PLLP: variants seen among roughly 807,000 people sequenced by gnomAD.
PLLP encodes plasma membrane proteolipid (plasmolipin).
Under a neutral mutation model 19.7 loss-of-function variants are expected in PLLP, and 15 were observed. The ratio of observed to expected loss-of-function variants is 0.76; its 90% CI spans 0.51 to 1.17. The LOEUF is 1.17. Ranked by LOEUF, PLLP falls within the 50% of genes most tolerant of loss-of-function variation. The pLI is 0.00. For synonymous variants in PLLP, 111 were observed against 116.3 expected, an observed-to-expected ratio of 0.95 and a Z score of 0.29; for missense variants, 255 against 258.3, an observed-to-expected ratio of 0.99 and a Z score of 0.09.
intron 1 of PLLP, among the ~76,000 whole-genome samples, chr16:57,271,505 C>T (rs1597963174): frequency 2.0e-5 from 3 of 151,924 alleles, no homozygotes; most frequent in South Asian, 4.2e-4. Context: ...GTTAGCTGGG[C>T]GTGGTGGTGG....
intron 1 of PLLP, among the ~76,000 whole-genome samples, chr16:57,281,668 G>A (rs1372956862): frequency 6.6e-6 from 1 of 151,864 alleles, no homozygotes; most frequent in Non-Finnish European, 1.5e-5. Flanking sequence ...CCACCACCAT[G>A]CCAGGCTAAT....
intron 1 of PLLP, among the ~76,000 whole-genome samples, chr16:57,277,646 G>A (rs1901169715): frequency 6.6e-6 from 1 of 152,120 alleles, no homozygotes; most frequent in Non-Finnish European, 1.5e-5. Flanking sequence ...GTATGAAAAA[G>A]ATGGACACAG....
chr16:57,270,862 A>G (rs139175999), intron 1 of PLLP, among the ~76,000 whole-genome samples: 205 of 152,292 alleles, frequency 1.3e-3, no homozygotes, highest in African/African-American at 4.7e-3. Context: ...AATAGCCCTA[A>G]GCTCTCTTTT....
At chr16:57,274,029 C>G (rs1901117349) in intron 1 of PLLP, among the ~76,000 whole-genome samples, 1 of 152,146 alleles carries the variant, frequency 6.6e-6, no homozygotes, top group Non-Finnish European at 1.5e-5. Flanking sequence ...ACTCTGTTGC[C>G]CAGGCTGGAC....
At chr16:57,272,591 C>T (rs943437470) in intron 1 of PLLP, among the ~76,000 whole-genome samples, 3 of 152,196 alleles carry the variant, frequency 2.0e-5, no homozygotes, top group Admixed American at 6.5e-5. Flanking sequence ...AACACTGGTT[C>T]TACACCCAAT....
At chr16:57,282,736 C>A (rs1220204630) in intron 1 of PLLP, among the ~76,000 whole-genome samples, 1 of 152,184 alleles carries the variant, frequency 6.6e-6, no homozygotes. Flanking sequence ...CTACTCCCTG[C>A]AAATTAATTC....
At chr16:57,272,428 GC>G in intron 1 of PLLP, among the ~76,000 whole-genome samples, 1 of 152,278 alleles carries the variant, frequency 6.6e-6, no homozygotes. Flanking sequence ...GCACCCCAAG[GC>G]CACCTCATCC....
intron 1 of PLLP, among the ~76,000 whole-genome samples, chr16:57,280,713 A>C (rs1901209135): frequency 6.6e-6 from 1 of 152,142 alleles, no homozygotes; most frequent in Non-Finnish European, 1.5e-5. Flanking sequence ...TCTCCCCTCC[A>C]CACCACCAGC....
In PLLP at chr16:57,278,591, C is replaced by G. The variant is rs189623767; in HGVS notation, c.135+5815G>C. ...ATTCCCAAACACTCAATACTCCCCC[C>G]CTTGCAGTAAGTGGGGAGTGTGGGG... On this transcript the variant is annotated intron_variant, in intron 1 of 3. Transcript: ENST00000219207. Among the ~76,000 whole-genome samples the G allele has an allele frequency of 9.4e-4, 143 of 152,250 alleles. 1 individual carries two copies. Among genetic ancestry groups the G allele is most frequent in the Middle Eastern group, 3.4e-3 (1 of 294 alleles).
chr16:57,256,990 C>A lies in PLLP; in HGVS notation c.472G>T (p.Ala158Ser). 1 of 1,613,976 alleles carries A rather than the reference C, an allele frequency of 6.2e-7. No individual in the cohort carries two copies. The highest frequency in any genetic ancestry group is 1.1e-5 in the South Asian group (1 of 91,080). ...CLVMIAYGVSAFFSYQAWRGV... is the reference protein window; with the variant it reads ...CLVMIAYGVSSFFSYQAWRGV... ...CGCCAGGCCTGGTAGCTGAAGAAGG[C>A]ACTCACTCCATAGGCGATCATCACC... The change falls in exon 4 of 4, where the codon GCC becomes TCC. Residue 158 changes from alanine to serine, a missense_variant. Coordinates refer to ENST00000219207, the MANE Select transcript of PLLP (RefSeq NM_015993.3).
At chr16:57,267,945 A>AG (rs1475298227) in intron 1 of PLLP, among the ~76,000 whole-genome samples, 2 of 152,048 alleles carry the variant, frequency 1.3e-5, no homozygotes, top group East Asian at 1.9e-4. Context: ...GCTCGAGTTA[A>AG]GGGGGGTTAT....
At chr16:57,277,426 C>T (rs2146449995) in intron 1 of PLLP, among the ~76,000 whole-genome samples, 1 of 152,074 alleles carries the variant, frequency 6.6e-6, no homozygotes, top group South Asian at 2.1e-4. Flanking sequence ...CCTGTCTCCA[C>T]TAAAAATACA....
chr16:57,271,371 C>T (rs1035993201), intron 1 of PLLP, among the ~76,000 whole-genome samples: 30 of 152,030 alleles, frequency 2.0e-4, no homozygotes, highest in African/African-American at 6.8e-4. Context: ...CACCCGGGCA[C>T]GATGGCTCAC....
intron 1 of PLLP, among the ~76,000 whole-genome samples, chr16:57,275,640 G>GAA (rs1351681637): frequency 1.6e-3 from 15 of 9,452 alleles, no homozygotes; most frequent in South Asian, 2.8e-3. Context: ...ATTTTGCAAG[G>GAA]CAAAAAAAAA....
At chr16:57,266,675 A>T (rs74764632) in intron 1 of PLLP, among the ~76,000 whole-genome samples, 5,585 of 152,128 alleles carry the variant, frequency 0.037, 118 homozygotes, top group Non-Finnish European at 0.044. Context: ...TCTCTTGCTT[A>T]CATGTTCGTC....
At chr16:57,271,002 C>T (rs2075473213) in intron 1 of PLLP, among the ~76,000 whole-genome samples, 1 of 152,156 alleles carries the variant, frequency 6.6e-6, no homozygotes, top group Non-Finnish European at 1.5e-5. Flanking sequence ...CACCCCAGGC[C>T]ACAGCCACCC....
Position 57,258,593 on chromosome 16 carries a change from C to T in PLLP, c.310-9G>A. ...ATGTTAAAGATCATTAACTGCAGGA[C>T]ATGGGGGTAGGGAGTGGGGAGAGAA... On this transcript the variant is annotated splice_polypyrimidine_tract_variant and intron_variant, in intron 2 of 3. Coordinates refer to ENST00000219207, the MANE Select transcript of PLLP (RefSeq NM_015993.3). The T allele has an allele frequency of 1.2e-6, 2 of 1,612,246 alleles. No homozygotes were observed. The highest frequency in any genetic ancestry group is 1.7e-4 in the Middle Eastern group (1 of 5,884).
chr16:57,282,420 CT>C (rs150292999), intron 1 of PLLP, among the ~76,000 whole-genome samples: 42 of 150,558 alleles, frequency 2.8e-4, no homozygotes, highest in African/African-American at 8.8e-4. Flanking sequence ...TTTTTTTTTC[CT>C]TTTTTTTGTA....
At position 57,262,085 on chromosome 16, in the gene PLLP, C is replaced by T; in HGVS notation, c.136-15G>A. 1 of 1,613,868 alleles carries T rather than the reference C, an allele frequency of 6.2e-7. No individual in the cohort carries two copies. The highest frequency in any genetic ancestry group is 1.1e-5 in the South Asian group (1 of 91,064). ...AGCCCCAGCACCTAGGAGGGTCAGA[C>T]AAGGCAGGATTGGCCAGAGATGCGG... On this transcript the variant is annotated splice_polypyrimidine_tract_variant and intron_variant, in intron 1 of 3. Coordinates refer to ENST00000219207, the MANE Select transcript of PLLP (RefSeq NM_015993.3).
Sources: allele counts gnomAD v4.1 joint callset (sites outside exome capture counted in the v4.1 genomes callset), GRCh38; gene constraint gnomAD v4.1.1; transcripts MANE v1.5; gene names NCBI Gene and HGNC (gene_info 2026-07-23, HGNC 2026-07-21).